Variants in SNTG2 observed in about 807,000 individuals in gnomAD.
SNTG2 encodes gamma-2-syntrophin.
In SNTG2, 74 loss-of-function variants were observed where a neutral mutation model predicts 70.9. The observed-to-expected ratio is 1.04, with a 90% CI of 0.86 to 1.27. The LOEUF (loss-of-function observed/expected upper bound fraction) is 1.27, where lower values mean the gene tolerates loss of function less well. SNTG2 is among the 50% of genes most tolerant of loss of function. The probability of loss-of-function intolerance (pLI) is 0.00; values close to 1 mark genes in which losing one functional copy is unlikely to be tolerated. For synonymous variants in SNTG2, 278 were observed against 273.8 expected (o/e 1.02, Z -0.15); for missense variants, 717 against 690.7 (o/e 1.04, Z -0.43).
chr2:1,116,393 C>T (rs1572478922), intron 4 of SNTG2, among the ~76,000 whole-genome samples: 1 of 152,176 alleles, frequency 6.6e-6, no homozygotes, highest in Admixed American at 6.5e-5. Context: ...TCACCCGTGG[C>T]CCTGGCTCAC....
At chr2:1,175,122 A>T (rs1476059684) in intron 8 of SNTG2, among the ~76,000 whole-genome samples, 1 of 152,188 alleles carries the variant, frequency 6.6e-6, no homozygotes, top group Non-Finnish European at 1.5e-5. Flanking sequence ...TAGATCTCTA[A>T]ATCCCATGAG....
chr2:1,124,016 C>T (rs770903024), intron 4 of SNTG2, among the ~76,000 whole-genome samples: 22 of 140,150 alleles, frequency 1.6e-4, no homozygotes, highest in Non-Finnish European at 3.2e-4. Flanking sequence ...GGCACAGACT[C>T]TCAGTTGTGC....
intron 9 of SNTG2, among the ~76,000 whole-genome samples, chr2:1,222,474 C>T (rs1428796077): frequency 2.1e-5 from 3 of 144,180 alleles, no homozygotes; most frequent in African/African-American, 7.9e-5. Context: ...GGTGCTGGAT[C>T]GCTGTAGAGG....
intron 14 of SNTG2, among the ~76,000 whole-genome samples, chr2:1,301,022 C>T (rs967020535): frequency 6.6e-6 from 1 of 152,058 alleles, no homozygotes; most frequent in East Asian, 1.9e-4. Flanking sequence ...TGACTGTGTG[C>T]GAGAGGAAAT....
At chr2:1,070,070 C>T (rs1057187112) in intron 1 of SNTG2, among the ~76,000 whole-genome samples, 2 of 152,076 alleles carry the variant, frequency 1.3e-5, no homozygotes, top group Non-Finnish European at 2.9e-5. Context: ...CAGTCACCAC[C>T]TTGGAGCTTT....
chr2:951,443 G>A (rs1031867939), intron 1 of SNTG2, among the ~76,000 whole-genome samples: 7 of 152,120 alleles, frequency 4.6e-5, no homozygotes, highest in African/African-American at 1.7e-4. Flanking sequence ...GGCCCAGGCG[G>A]TGGCTCGGAC....
At chr2:976,107 T>G (rs931064138) in intron 1 of SNTG2, among the ~76,000 whole-genome samples, 1 of 152,174 alleles carries the variant, frequency 6.6e-6, no homozygotes, top group African/African-American at 2.4e-5. Flanking sequence ...TTTGAAGAGT[T>G]GGATGAAATG....
intron 8 of SNTG2, among the ~76,000 whole-genome samples, chr2:1,182,501 A>G (rs1671982536): frequency 6.6e-6 from 1 of 152,188 alleles, no homozygotes. Context: ...TGTAAATAAT[A>G]GTCACACAAA....
In SNTG2 at chr2:1,162,351, G is replaced by A. The variant is rs75624597; in HGVS notation, c.412-3197G>A. ...AGGACTTCAGGCACACTGGCTGGGCGACAGACTCACATACGGAAGCTGTGT... is the reference window on the plus strand; with the variant it reads ...AGGACTTCAGGCACACTGGCTGGGCAACAGACTCACATACGGAAGCTGTGT... On this transcript the variant is annotated intron_variant, in intron 6 of 16. Coordinates refer to ENST00000308624, the MANE Select transcript of SNTG2 (RefSeq NM_018968.4). Among the ~76,000 whole-genome samples the A allele has an allele frequency of 3.7e-3, 566 of 152,282 alleles. 25 individuals are homozygous for A. The East Asian group carries it at 0.08, about 22-fold the overall frequency.
chr2:1,198,753 C>T (rs189228181), intron 8 of SNTG2, among the ~76,000 whole-genome samples: 18 of 152,108 alleles, frequency 1.2e-4, no homozygotes, highest in Non-Finnish European at 2.1e-4. Flanking sequence ...AGACTATTAA[C>T]CACTATATGC....
At chr2:964,603 T>A (rs1362319883) in intron 1 of SNTG2, among the ~76,000 whole-genome samples, 1 of 152,126 alleles carries the variant, frequency 6.6e-6, no homozygotes, top group Admixed American at 6.5e-5. Flanking sequence ...CCTTGGTTGA[T>A]CCTACAAGGA....
At chr2:1,268,960 TC>T (rs1678885327) in intron 14 of SNTG2, among the ~76,000 whole-genome samples, 1 of 152,198 alleles carries the variant, frequency 6.6e-6, no homozygotes, top group South Asian at 2.1e-4. Context: ...CTGAGCAGAG[TC>T]CCGGTGGCCA....
chr2:1,332,906 C>T (rs9973318), intron 16 of SNTG2, among the ~76,000 whole-genome samples: 52,171 of 152,004 alleles, frequency 0.34, 9,483 homozygotes, highest in Middle Eastern at 0.5. Flanking sequence ...AAGACAGGGA[C>T]GCCTACTCTC....
chr2:1,255,919 A>AATATATATATAAATAT (rs1334434554), intron 12 of SNTG2, among the ~76,000 whole-genome samples: 27 of 90,236 alleles, frequency 3.0e-4, no homozygotes, highest in East Asian at 5.6e-4. Context: ...TATATATATA[A>AATATATATATAAATAT]ATATATAAAT....
chr2:1,119,900 A>C (rs1558423765), intron 4 of SNTG2, among the ~76,000 whole-genome samples: 2 of 152,192 alleles, frequency 1.3e-5, no homozygotes, highest in African/African-American at 4.8e-5. Context: ...ATCACTTTGA[A>C]TATTACAAAT....
intron 1 of SNTG2, among the ~76,000 whole-genome samples, chr2:1,030,050 C>T (rs1215304919): frequency 1.3e-5 from 2 of 152,338 alleles, no homozygotes; most frequent in Admixed American, 1.3e-4. Flanking sequence ...TCTATCTACA[C>T]CTTGAGTGGC....
At chr2:1,041,932 A>T (rs1243203518) in intron 1 of SNTG2, among the ~76,000 whole-genome samples, 2 of 152,164 alleles carry the variant, frequency 1.3e-5, no homozygotes, top group Non-Finnish European at 2.9e-5. Flanking sequence ...TGATTTTCTA[A>T]GCCTGCACCA....
chr2:991,407 A>ACACACAC (rs1553305482), intron 1 of SNTG2, among the ~76,000 whole-genome samples: 24 of 151,222 alleles, frequency 1.6e-4, no homozygotes, highest in East Asian at 3.9e-4. Context: ...ACACACACAC[A>ACACACAC]ATTATGACTT....
At chr2:977,940 C>T (rs1660966490) in intron 1 of SNTG2, among the ~76,000 whole-genome samples, 1 of 152,228 alleles carries the variant, frequency 6.6e-6, no homozygotes, top group African/African-American at 2.4e-5. Flanking sequence ...TGGAAGACCT[C>T]ATGTAAGATC....
Sources: allele counts gnomAD v4.1 joint callset (sites outside exome capture counted in the v4.1 genomes callset), GRCh38; gene constraint gnomAD v4.1.1; transcripts MANE v1.5; gene names NCBI Gene and HGNC (gene_info 2026-07-23, HGNC 2026-07-21).